The following FGF12 variants were observed in gnomAD, a reference collection of about 807,000 sequenced individuals.
FGF12 encodes the protein fibroblast growth factor 12.
In FGF12, 14 loss-of-function variants were observed where a neutral mutation model predicts 23.6. The ratio of observed to expected loss-of-function variants is 0.59; its 90% CI spans 0.39 to 0.93. FGF12 has a LOEUF of 0.93. Ranked by LOEUF, FGF12 falls within the 40% of genes least tolerant of loss-of-function variation. The pLI is 0.00. For missense variants in FGF12, 175 were observed against 217.8 expected (o/e 0.80, Z 1.24); for synonymous variants, 62 against 77.3 (o/e 0.80, Z 1.04).
intron 5 of FGF12, among the ~76,000 whole-genome samples, chr3:192,164,089 G>C (rs565997088): frequency 6.6e-6 from 1 of 152,034 alleles, no homozygotes; most frequent in Non-Finnish European, 1.5e-5. Context: ...TGCAGTAGCT[G>C]AGCAATGTGC....
chr3:192,374,320 A>T (rs952692855), intron 2 of FGF12, among the ~76,000 whole-genome samples: 3 of 152,226 alleles, frequency 2.0e-5, no homozygotes, highest in Non-Finnish European at 4.4e-5. Flanking sequence ...CTTTCCATGG[A>T]TCACCTGTGT....
At chr3:192,513,286 G>A (rs1724550478) in intron 2 of FGF12, among the ~76,000 whole-genome samples, 1 of 152,058 alleles carries the variant, frequency 6.6e-6, no homozygotes, top group Non-Finnish European at 1.5e-5. Flanking sequence ...GAATATAGTG[G>A]TATGATGCGT....
intron 4 of FGF12, among the ~76,000 whole-genome samples, chr3:192,193,045 A>G (rs953397392): frequency 6.6e-6 from 1 of 152,190 alleles, no homozygotes; most frequent in African/African-American, 2.4e-5. Context: ...GCAGGACAAG[A>G]TTCGATCCAG....
At chr3:192,615,746 C>T (rs1213444469) in intron 2 of FGF12, among the ~76,000 whole-genome samples, 1 of 151,836 alleles carries the variant, frequency 6.6e-6, no homozygotes, top group Non-Finnish European at 1.5e-5. Flanking sequence ...GTAAAATAAA[C>T]AAAGCATGGC....
At chr3:192,349,957 A>G (rs757225657) in intron 3 of FGF12, among the ~76,000 whole-genome samples, 1 of 152,138 alleles carries the variant, frequency 6.6e-6, no homozygotes, top group African/African-American at 2.4e-5. Flanking sequence ...TAGCAGTACA[A>G]AATGCAGATA....
At chr3:192,388,800 T>C (rs1174725811) in intron 2 of FGF12, among the ~76,000 whole-genome samples, 1 of 151,970 alleles carries the variant, frequency 6.6e-6, no homozygotes, top group African/African-American at 2.4e-5. Flanking sequence ...TTGAAAAATA[T>C]ATTTTAAAAC....
intron 4 of FGF12, among the ~76,000 whole-genome samples, chr3:192,237,610 G>A (rs1435622563): frequency 6.6e-6 from 1 of 151,994 alleles, no homozygotes; most frequent in Non-Finnish European, 1.5e-5. Context: ...TTTTCCCTCA[G>A]TTTGATCTAT....
intron 2 of FGF12, among the ~76,000 whole-genome samples, chr3:192,692,110 T>G (rs1717960780): frequency 6.6e-6 from 1 of 152,208 alleles, no homozygotes; most frequent in South Asian, 2.1e-4. Flanking sequence ...ATATCCATCC[T>G]ATTCATCTAT....
intron 2 of FGF12, among the ~76,000 whole-genome samples, chr3:192,404,991 G>A (rs533104881): frequency 6.9e-6 from 1 of 144,786 alleles, no homozygotes; most frequent in South Asian, 2.1e-4. Flanking sequence ...TACACTAGTT[G>A]ATGTTACTTT....
intron 2 of FGF12, among the ~76,000 whole-genome samples, chr3:192,557,666 A>G (rs1330002586): frequency 1.3e-5 from 2 of 151,598 alleles, no homozygotes; most frequent in Non-Finnish European, 2.9e-5. Flanking sequence ...AAAATTCTCA[A>G]CAAAATGCTA....
intron 4 of FGF12, chr3:192,244,942 T>A (rs920828649): frequency 1.3e-5 from 2 of 152,240 alleles, no homozygotes; most frequent in Non-Finnish European, 2.9e-5. Flanking sequence ...CTCCCAAGCA[T>A]GCAATTAACT....
intron 2 of FGF12, among the ~76,000 whole-genome samples, chr3:192,615,121 T>C (rs1210943021): frequency 6.6e-6 from 1 of 151,958 alleles, no homozygotes; most frequent in Non-Finnish European, 1.5e-5. Context: ...GCCGCCATCT[T>C]TTGCCTTCAC....
intron 2 of FGF12, among the ~76,000 whole-genome samples, chr3:192,500,105 C>G (rs1724089219): frequency 6.6e-6 from 1 of 152,206 alleles, no homozygotes; most frequent in South Asian, 2.1e-4. Context: ...TTACACCTTT[C>G]TGAGACAGCT....
chr3:192,450,546 C>T (rs1359958208), intron 2 of FGF12, among the ~76,000 whole-genome samples: 1 of 152,142 alleles, frequency 6.6e-6, no homozygotes, highest in Non-Finnish European at 1.5e-5. Context: ...ATTACAATGA[C>T]CACAGTGTTA....
At chr3:192,432,639 A>AAAAAAAAAAAAAAAAAG (rs1553812376) in intron 2 of FGF12, among the ~76,000 whole-genome samples, 1 of 137,090 alleles carries the variant, frequency 7.3e-6, no homozygotes, top group African/African-American at 2.9e-5. Context: ...AAAAAAAAAA[A>AAAAAAAAAAAAAAAAAG]AAAGAAAGAA....
intron 2 of FGF12, among the ~76,000 whole-genome samples, chr3:192,684,515 C>T (rs922925235): frequency 1.3e-5 from 2 of 152,116 alleles, no homozygotes; most frequent in Non-Finnish European, 2.9e-5. Flanking sequence ...CTCTAAACAG[C>T]TGTTCTCAAG....
chr3:192,253,395 TTAA>T (rs1712163878), intron 4 of FGF12, among the ~76,000 whole-genome samples: 1 of 151,368 alleles, frequency 6.6e-6, no homozygotes, highest in Non-Finnish European at 1.5e-5. Context: ...ACATAAGTAC[TTAA>T]TAAAAAATAT....
At chr3:192,716,093 A>G (rs537041025) in intron 2 of FGF12, among the ~76,000 whole-genome samples, 26 of 152,378 alleles carry the variant, frequency 1.7e-4, no homozygotes, top group African/African-American at 5.3e-4. Context: ...TGTCTACACC[A>G]GGTTTTCTCA....
intron 2 of FGF12, among the ~76,000 whole-genome samples, chr3:192,689,110 G>A (rs1158132596): frequency 6.6e-6 from 1 of 152,074 alleles, no homozygotes; most frequent in African/African-American, 2.4e-5. Context: ...ATAAAGTAAG[G>A]TTGGTTAATA....
Sources: gnomAD v4.1 joint callset for allele counts (sites outside exome capture counted in the v4.1 genomes callset) on GRCh38, gnomAD v4.1.1 for gene constraint, MANE v1.5 for transcripts, NCBI Gene and HGNC (gene_info 2026-07-23, HGNC 2026-07-21) for gene names.